L1TD1: variants seen among roughly 807,000 people sequenced by gnomAD.
L1TD1 encodes the protein LINE-1 type transposase domain-containing protein 1.
Under a neutral mutation model 25.7 loss-of-function variants are expected in L1TD1, and 26 were observed. The ratio of observed to expected loss-of-function variants is 1.01; its 90% confidence interval spans 0.74 to 1.40. The LOEUF (loss-of-function observed/expected upper bound fraction) is 1.40. L1TD1 is among the 40% of genes most tolerant of loss of function. The pLI, the probability that L1TD1 is intolerant of heterozygous loss-of-function variation, is 0.00. For missense variants in L1TD1, 1,130 were observed against 975.0 expected (o/e 1.16, Z -2.12); for synonymous variants, 421 against 335.6 (o/e 1.25, Z -2.78).
rs1212272641 is a variant in L1TD1 at position 62,205,126 on chromosome 1, G to A, written c.-110-1393G>A. On this transcript the variant is annotated intron_variant, in intron 2 of 3. Coordinates refer to ENST00000498273, the MANE Select transcript of L1TD1 (RefSeq NM_019079.5). Reference sequence around the variant, plus strand: ...CAGCACTTTGGAGGCCGAGGCAGGCGGATCACGAGGTCAGGAATTCGAGGC... The same window carrying A: ...CAGCACTTTGGAGGCCGAGGCAGGCAGATCACGAGGTCAGGAATTCGAGGC... 2.6e-5 allele frequency among the ~76,000 whole-genome samples: 4 copies of A among 151,792 alleles called. No homozygotes were observed. In the East Asian group the frequency reaches 5.9e-4, roughly 22 times the overall value.
chr1:62,198,024 A>G (rs1011838385), intron 2 of L1TD1, among the ~76,000 whole-genome samples: 1 of 152,166 alleles, frequency 6.6e-6, no homozygotes, highest in Admixed American at 6.6e-5. Flanking sequence ...TAACTGGAAG[A>G]TTACAAATGG....
At position 62,210,012 on chromosome 1, in the gene L1TD1, T is replaced by TGGA; in HGVS notation, c.1245_1247dup (p.Glu420dup). ...GAGGAGGAGGAAGAGCCCTCAGGGC[T>TGGA]GGAGGAGGAAGAAGAAGAAGAGGCT... On this transcript the variant is annotated inframe_insertion, in exon 4 of 4. Coordinates refer to ENST00000498273, the MANE Select transcript of L1TD1 (RefSeq NM_019079.5). 2 of 1,587,036 alleles carry TGGA rather than the reference T, an allele frequency of 1.3e-6. No individual in the cohort carries two copies. Among genetic ancestry groups the TGGA allele is most frequent in the Non-Finnish European group, 1.7e-6 (2 of 1,162,040 alleles).
In L1TD1 at chr1:62,211,047, G is replaced by C. The variant is rs1288805902; in HGVS notation, c.2273G>C (p.Arg758Thr). 1 of 1,550,944 alleles carries C rather than the reference G, an allele frequency of 6.4e-7. No individual in the cohort carries two copies. Among genetic ancestry groups the C allele is most frequent in the Non-Finnish European group, 8.7e-7 (1 of 1,146,898 alleles). Residue 758 changes from arginine (R) to threonine (T), a missense_variant, in exon 4 of 4, where the codon AGA becomes ACA. Physicochemically the swap from Arg to Thr is moderately conservative, Grantham distance 71 (BLOSUM62 -1). Transcript: ENST00000498273. ...SKIDEKRLTPRHILVKFWNSS... is the reference protein window; with the variant it reads ...SKIDEKRLTPTHILVKFWNSS... ...ATTGATGAAAAGAGACTGACTCCTA[G>C]ACACATCTTGGTGAAATTTTGGAAT...
rs563523407 is a variant in L1TD1, at chr1:62,200,401, CCT to C, written c.-111+3875_-111+3876del. Among the ~76,000 whole-genome samples the C allele has an allele frequency of 2.8e-3, 430 of 152,294 alleles. 2 individuals are homozygous for C. The highest frequency in any genetic ancestry group is 9.6e-3 in the African/African-American group (400 of 41,556). ...GGCCAGGCTGGTCTTGAACACCTGA[CCT>C]CAGATGATCCGCCTGCCTTGGCCTT... is the stretch of plus-strand genomic sequence containing the variant. On this transcript the variant is annotated intron_variant, in intron 2 of 3. Coordinates refer to ENST00000498273, the MANE Select transcript of L1TD1 (RefSeq NM_019079.5).
At position 62,207,580 on chromosome 1, in the gene L1TD1, C is replaced by T. The variant is rs975726539; in HGVS notation, c.952C>T (p.Pro318Ser). Reference sequence around the variant, plus strand: ...GAAAGAATTACTGAAAGATGTACTCCCACAAAAGGAAGAAATAAATCAAGG... The same window carrying T: ...GAAAGAATTACTGAAAGATGTACTCTCACAAAAGGAAGAAATAAATCAAGG... Reference protein sequence around the residue: ...SVKELLKDVLPQKEEINQGGR... With the variant: ...SVKELLKDVLSQKEEINQGGR... Residue 318 changes from proline to serine, a missense_variant, in exon 3 of 4, where the codon CCA (proline) becomes TCA (serine). Pro to Ser is a moderately conservative substitution (Grantham distance 74, BLOSUM62 -1). Coordinates refer to ENST00000498273, the MANE Select transcript of L1TD1 (RefSeq NM_019079.5). The T allele has an allele frequency of 6.5e-7, 1 of 1,545,648 alleles. No individual in the cohort carries two copies. The highest frequency in any genetic ancestry group is 8.7e-7 in the Non-Finnish European group (1 of 1,145,388).
intron 2 of L1TD1, 121 bp from the exon 3 acceptor site, chr1:62,206,398 A>G: frequency 7.6e-6 from 2 of 262,186 alleles, no homozygotes; most frequent in Non-Finnish European, 1.4e-5. Context: ...TTTGCTAGTG[A>G]ACTTTTTATT....
intron 2 of L1TD1, among the ~76,000 whole-genome samples, chr1:62,198,968 GCTGGGACTGCAGGCAGAAGCCAGGACGT>G (rs1670593795): frequency 6.6e-6 from 1 of 152,026 alleles, no homozygotes; most frequent in South Asian, 2.1e-4. Flanking sequence ...CTCCCAAGTA[GCTGGGACTGCAGGCAGAAGCCAGGACGT>G]CTGGTCCCTG....
At chr1:62,195,319 T>A (rs114834165) in intron 1 of L1TD1, among the ~76,000 whole-genome samples, 5,361 of 152,322 alleles carry the variant, frequency 0.035, 110 homozygotes, top group Non-Finnish European at 0.05. Context: ...CCCTGCTCTT[T>A]CCCTTACTGT....
chr1:62,205,432 TA>T lies in L1TD1; in HGVS notation c.-110-1086del, dbSNP rs1315149880. Among the ~76,000 whole-genome samples the T allele has an allele frequency of 3.0e-3, 224 of 73,910 alleles. 10 individuals carry two copies. Among genetic ancestry groups the T allele is most frequent in the African/African-American group, 7.0e-3 (145 of 20,824 alleles). The allele number at this position is 73,910 out of a possible 152,430, so 48.5% of individuals were successfully genotyped here. A position where few individuals can be genotyped will look rare whatever the true frequency, so the allele number is the denominator to read the frequency against. On this transcript the variant is annotated intron_variant, in intron 2 of 3. Coordinates refer to ENST00000498273, the MANE Select transcript of L1TD1 (RefSeq NM_019079.5). ...CTCTCTCTCTCTATATATATATATA[TA>T]TATATATATATTTTTTTTTAGACAG...
At chr1:62,194,980 C>T (rs1250314373) in intron 1 of L1TD1, 59 bp downstream of exon 1, 2 of 152,116 alleles carry the variant, frequency 1.3e-5, no homozygotes, top group Non-Finnish European at 2.9e-5. Flanking sequence ...GGCCCAGGCG[C>T]GTGGGGTCCG....
intron 2 of L1TD1, among the ~76,000 whole-genome samples, chr1:62,203,110 G>A (rs1670673732): frequency 6.6e-6 from 1 of 152,116 alleles, no homozygotes; most frequent in African/African-American, 2.4e-5. Flanking sequence ...ACAGGTGTGA[G>A]CCACTGCGCT....
intron 2 of L1TD1, among the ~76,000 whole-genome samples, chr1:62,201,490 T>TAAAAAA (rs57780936): frequency 3.8e-5 from 5 of 132,880 alleles, no homozygotes; most frequent in Non-Finnish European, 7.9e-5. Flanking sequence ...AGACCCTGCT[T>TAAAAAA]AAAAAAAAAA....
chr1:62,210,874 C>T lies in L1TD1; in HGVS notation c.2100C>T (p.Cys700=). The change falls in exon 4 of 4, where the codon TGC becomes TGT. Residue 700 remains cysteine, a synonymous_variant. Transcript: ENST00000498273. Reference sequence around the variant, plus strand: ...ATATAGAGGAGAGATCTAGAAGTTGCAACATTCGTTTGATAGGAATTCCAG... The same window carrying T: ...ATATAGAGGAGAGATCTAGAAGTTGTAACATTCGTTTGATAGGAATTCCAG... The part of the protein sequence containing the change: ...QRDIEERSRS[C]NIRLIGIPEK... 1.3e-6 allele frequency: 2 copies of T among 1,551,274 alleles called. No individual in the cohort carries two copies. Among genetic ancestry groups the T allele is most frequent in the Non-Finnish European group, 1.7e-6 (2 of 1,146,912 alleles).
chr1:62,201,481 G>C (rs922182403), intron 2 of L1TD1, among the ~76,000 whole-genome samples: 4 of 115,824 alleles, frequency 3.5e-5, no homozygotes, highest in African/African-American at 1.2e-4. Flanking sequence ...CGGCGAGTGA[G>C]ACCCTGCTTA....
rs11353722 is a variant in L1TD1 at position 62,198,446 on chromosome 1, TAAAA to T, written c.-111+1929_-111+1932del. ...TGAGGGACTAGTAATTGTTCTTATT[TAAAA>T]AAAAAAAAAAGAAGAAAAGAGAAGT... On this transcript the variant is annotated intron_variant, in intron 2 of 3. Transcript: ENST00000498273. 7.1e-3 allele frequency among the ~76,000 whole-genome samples: 990 copies of T among 140,408 alleles called. 9 individuals are homozygous for T. The highest frequency in any genetic ancestry group is 0.025 in the African/African-American group (938 of 37,824). 92.1% of individuals were successfully genotyped at this position (140,408 alleles called of 152,430 possible).
Position 62,211,192 on chromosome 1 carries a change from A to T in L1TD1, c.2418A>T (p.Lys806Asn). 6.4e-7 allele frequency: 1 copy of T among 1,552,292 alleles called. No individual in the cohort carries two copies. The highest frequency in any genetic ancestry group is 8.7e-7 in the Non-Finnish European group (1 of 1,147,264). ...TGGACACACTGGATGCTAGAAGTAA[A>T]TGGAGCAATGTCTTCAAAGTTCTGC... ...LSLDTLDARS[K>N]WSNVFKVLLE... is the part of the protein sequence containing the mutation. The change falls in exon 4 of 4, where the codon AAA (lysine) becomes AAT (asparagine). Residue 806 changes from lysine (K) to asparagine (N), a missense_variant. Coordinates refer to ENST00000498273, the MANE Select transcript of L1TD1 (RefSeq NM_019079.5).
intron 2 of L1TD1, among the ~76,000 whole-genome samples, chr1:62,203,350 G>A (rs1670678252): frequency 6.6e-6 from 1 of 151,800 alleles, no homozygotes; most frequent in Non-Finnish European, 1.5e-5. Context: ...GATTATTTTT[G>A]TACCCATTAA....
intron 2 of L1TD1, among the ~76,000 whole-genome samples, chr1:62,199,498 C>CAA (rs34456833): frequency 0.044 from 5,924 of 134,040 alleles, 406 homozygotes; most frequent in African/African-American, 0.15. Context: ...ACTCTTGTAT[C>CAA]AAAAAAAAAA....
At chr1:62,197,997 A>T (rs1322635646) in intron 2 of L1TD1, among the ~76,000 whole-genome samples, 1 of 152,182 alleles carries the variant, frequency 6.6e-6, no homozygotes, top group Non-Finnish European at 1.5e-5. Context: ...CACATAGAAG[A>T]GTGAGGTGTG....
Sources: gnomAD v4.1 joint callset for allele counts (sites outside exome capture counted in the v4.1 genomes callset) on GRCh38, gnomAD v4.1.1 for gene constraint, MANE v1.5 for transcripts, NCBI Gene and HGNC (gene_info 2026-07-23, HGNC 2026-07-21) for gene names.